The following AGBL2 variants were observed in gnomAD, a reference collection of about 807,000 sequenced individuals.
The protein encoded by AGBL2 is cytosolic carboxypeptidase 2.
Under a neutral mutation model 103.0 loss-of-function variants are expected in AGBL2, and 87 were observed. That is an observed-to-expected ratio of 0.84 (90% CI 0.71 to 1.01). The LOEUF is 1.01. AGBL2 is among the 50% of genes least tolerant of loss of function. AGBL2 has a pLI of 0.00. For synonymous variants in AGBL2, 335 were observed against 356.7 expected, an observed-to-expected ratio of 0.94 and a Z score of 0.69; for missense variants, 904 against 1,023.5, an observed-to-expected ratio of 0.88 and a Z score of 1.59.
At position 47,685,918 on chromosome 11, in the gene AGBL2, A is replaced by G. The variant is rs776257688; in HGVS notation, c.1763T>C (p.Met588Thr). 4 of 1,614,060 alleles carry G rather than the reference A, an allele frequency of 2.5e-6. No homozygotes were observed. The highest frequency in any genetic ancestry group is 2.5e-6 in the Non-Finnish European group (3 of 1,180,000). Residue 588 changes from methionine (M) to threonine (T), a missense_variant, in exon 11 of 19, where the codon ATG becomes ACG. Met to Thr is a moderately conservative substitution (Grantham distance 81). Coordinates refer to ENST00000525123, the MANE Select transcript of AGBL2 (RefSeq NM_024783.4). ...CTTATCTGGTGCATTTTTGCATAAC[A>G]TTAAAGGAAAGACTCGTTCATGAAG... is the stretch of plus-strand genomic sequence containing the variant. Reference protein sequence around the residue: ...YWLHERVFPLMLCKNAPDKFS... With the variant: ...YWLHERVFPLTLCKNAPDKFS...
chr11:47,667,141 T>C (rs1201180843), intron 16 of AGBL2, 78 bp from the exon 17 acceptor site: 2 of 993,720 alleles, frequency 2.0e-6, no homozygotes, highest in Non-Finnish European at 3.0e-6. Flanking sequence ...GCAAAACTTG[T>C]ACTTCTGAAA....
At chr11:47,673,012 G>C (rs138767651) in intron 14 of AGBL2, among the ~76,000 whole-genome samples, 2 of 152,206 alleles carry the variant, frequency 1.3e-5, no homozygotes, top group Non-Finnish European at 2.9e-5. Context: ...TAAATAGCTG[G>C]GGAGACTATG....
intron 11 of AGBL2, among the ~76,000 whole-genome samples, chr11:47,682,761 C>T (rs984235309): frequency 5.3e-5 from 8 of 152,234 alleles, no homozygotes; most frequent in Non-Finnish European, 7.4e-5. Context: ...TCCACCCTAT[C>T]GTGCTAAAAA....
At chr11:47,685,443 T>C (rs2097420062) in intron 11 of AGBL2, among the ~76,000 whole-genome samples, 1 of 151,516 alleles carries the variant, frequency 6.6e-6, no homozygotes, top group Non-Finnish European at 1.5e-5. Flanking sequence ...TTTTTTGAGA[T>C]GGAGTTCTGC....
At chr11:47,706,342 C>T (rs1363480339) in intron 4 of AGBL2, among the ~76,000 whole-genome samples, 2 of 151,968 alleles carry the variant, frequency 1.3e-5, no homozygotes, top group African/African-American at 4.8e-5. Context: ...TGGTGAAATC[C>T]TGTCTCTACT....
chr11:47,674,225 G>A (rs1565017367), intron 14 of AGBL2, among the ~76,000 whole-genome samples: 1 of 151,992 alleles, frequency 6.6e-6, no homozygotes. Flanking sequence ...AAGGAGGGGA[G>A]TAAGTTGTAG....
At chr11:47,666,034 C>T (rs567442224) in intron 17 of AGBL2, among the ~76,000 whole-genome samples, 1 of 151,742 alleles carries the variant, frequency 6.6e-6, no homozygotes, top group African/African-American at 2.4e-5. Flanking sequence ...AAAGAAAACA[C>T]ACAAAGTGTT....
chr11:47,659,978 A>G lies in AGBL2; in HGVS notation c.*195T>C. 2.2e-6 allele frequency: 1 copy of G among 456,270 alleles called. No homozygotes were observed. The highest frequency in any genetic ancestry group is 3.7e-6 in the Non-Finnish European group (1 of 270,870). The allele number at this position is 456,270 out of a possible 1,614,324, so 28.3% of individuals were successfully genotyped here. On this transcript the variant is annotated 3_prime_UTR_variant, in exon 19 of 19. Coordinates refer to ENST00000525123, the MANE Select transcript of AGBL2 (RefSeq NM_024783.4). ...TAATAAAATTTCATTTTATGAAAAA[A>G]TAGTTGAATTCATGAGGTATGCATC... is the stretch of plus-strand genomic sequence containing the variant.
At chr11:47,691,164 T>C (rs935899440) in intron 9 of AGBL2, among the ~76,000 whole-genome samples, 1 of 150,946 alleles carries the variant, frequency 6.6e-6, no homozygotes, top group Non-Finnish European at 1.5e-5. Flanking sequence ...CTCAGGAGGC[T>C]GAAGCAAGAG....
rs1371751166 is a variant in AGBL2, at chr11:47,690,285, GC to G, written c.1421del (p.Gly474AlafsTer28). On this transcript the variant is annotated frameshift_variant, in exon 10 of 19. Transcript: ENST00000525123. LOFTEE classifies it high-confidence loss of function. ...AGTTGCTAAGGATGAAGTCCAAAAA[GC>G]CTTTCATAACCCAGGAGCCATTACT... is the stretch of plus-strand genomic sequence containing the variant. ...GESNGSWVMK[G>X]FLDFILSNSP... is the part of the protein sequence containing the mutation. 38 of 1,613,618 alleles carry G rather than the reference GC, an allele frequency of 2.4e-5. No homozygotes were observed. The highest frequency in any genetic ancestry group is 3.1e-5 in the Non-Finnish European group (37 of 1,179,964).
intron 4 of AGBL2, among the ~76,000 whole-genome samples, chr11:47,709,047 G>T (rs974414880): frequency 6.6e-6 from 1 of 152,062 alleles, no homozygotes; most frequent in Non-Finnish European, 1.5e-5. Flanking sequence ...GCTTGAACCC[G>T]GGAGGCAGAG....
chr11:47,674,907 T>C (rs1341640758), intron 14 of AGBL2, among the ~76,000 whole-genome samples: 1 of 151,806 alleles, frequency 6.6e-6, no homozygotes, highest in African/African-American at 2.4e-5. Context: ...ACTGATTTTG[T>C]ATTTTTAGTA....
At chr11:47,700,877 C>A (rs144914157) in intron 7 of AGBL2, among the ~76,000 whole-genome samples, 1 of 149,428 alleles carries the variant, frequency 6.7e-6, no homozygotes, top group Non-Finnish European at 1.5e-5. Context: ...CTGGCCAACA[C>A]GGTGAAACCC....
At chr11:47,669,465 T>C (rs1389229211) in intron 14 of AGBL2, among the ~76,000 whole-genome samples, 2 of 151,530 alleles carry the variant, frequency 1.3e-5, no homozygotes, top group Non-Finnish European at 2.9e-5. Flanking sequence ...GGTCAGGAGG[T>C]GGTCAGGAGT....
At chr11:47,676,555 C>T (rs1034396406) in intron 14 of AGBL2, among the ~76,000 whole-genome samples, 1 of 152,192 alleles carries the variant, frequency 6.6e-6, no homozygotes, top group African/African-American at 2.4e-5. Context: ...CGCGGCGGCT[C>T]ACGCCTGTAA....
intron 10 of AGBL2, among the ~76,000 whole-genome samples, chr11:47,686,579 G>A (rs902141290): frequency 6.6e-6 from 1 of 151,866 alleles, no homozygotes; most frequent in Non-Finnish European, 1.5e-5. Context: ...TGGATAGTGG[G>A]GGTGGATCCC....
intron 14 of AGBL2, 142 bp from the exon 15 acceptor site, chr11:47,669,049 A>G: frequency 1.7e-6 from 1 of 595,360 alleles, no homozygotes; most frequent in South Asian, 2.0e-5. Flanking sequence ...TGCTTCAATT[A>G]CTAAAAATTA....
intron 13 of AGBL2, among the ~76,000 whole-genome samples, chr11:47,678,330 A>ATTTTTTTTTT (rs869274971): frequency 1.7e-5 from 2 of 114,374 alleles, no homozygotes; most frequent in South Asian, 4.1e-4. Context: ...ATTTTATTTT[A>ATTTTTTTTTT]TTTTATTATT....
intron 10 of AGBL2, among the ~76,000 whole-genome samples, chr11:47,687,678 T>A (rs1400939831): frequency 6.6e-6 from 1 of 152,104 alleles, no homozygotes; most frequent in East Asian, 1.9e-4. Flanking sequence ...GAGGGCTCCC[T>A]AGAAGTTGAG....
Sources: gnomAD v4.1 joint callset for allele counts (sites outside exome capture counted in the v4.1 genomes callset) on GRCh38, gnomAD v4.1.1 for gene constraint, MANE v1.5 for transcripts, NCBI Gene and HGNC (gene_info 2026-07-23, HGNC 2026-07-21) for gene names.